The following COL4A6 variants were observed in gnomAD, a reference collection of about 807,000 sequenced individuals.
COL4A6 encodes the protein collagen type IV alpha 6 chain.
A neutral mutation model predicts 126.7 loss-of-function variants in COL4A6; 59 were observed. The ratio of observed to expected loss-of-function variants is 0.47; its 90% confidence interval spans 0.38 to 0.58. COL4A6 has a LOEUF of 0.58. COL4A6 is among the 20% of genes least tolerant of loss of function. COL4A6 has a pLI of 0.00. For synonymous variants in COL4A6, 547 were observed against 496.6 expected, an observed-to-expected ratio of 1.10 and a Z score of -1.35; for missense variants, 1,285 against 1,337.3, an observed-to-expected ratio of 0.96 and a Z score of 0.61.
chrX:108,353,508 A>T (rs779027589), intron 2 of COL4A6, among the ~76,000 whole-genome samples: 13 of 112,265 alleles, frequency 1.2e-4, no homozygotes, highest in Non-Finnish European at 2.3e-4. Context: ...AAAGGAATTC[A>T]CAACACCAAA....
chrX:108,190,555 A>T, intron 19 of COL4A6, 59 bp from the exon 20 acceptor site: 2 of 723,135 alleles, frequency 2.8e-6, no homozygotes, highest in South Asian at 5.2e-5. Context: ...GACTTCCCTG[A>T]CTCAACACAG....
At chrX:108,404,559 T>C (rs2041164868) in intron 2 of COL4A6, among the ~76,000 whole-genome samples, 1 of 112,170 alleles carries the variant, frequency 8.9e-6, no homozygotes, top group Non-Finnish European at 1.9e-5. Flanking sequence ...TGATCAGTGA[T>C]ATGGTTAAAT....
At chrX:108,322,151 A>T (rs1480698511) in intron 2 of COL4A6, among the ~76,000 whole-genome samples, 2 of 111,684 alleles carry the variant, frequency 1.8e-5, no homozygotes, top group African/African-American at 6.5e-5. Flanking sequence ...TTGCATTGAA[A>T]TGTGAACATA....
At chrX:108,274,153 A>C (rs1425909319) in intron 3 of COL4A6, among the ~76,000 whole-genome samples, 2 of 111,679 alleles carry the variant, frequency 1.8e-5, no homozygotes, top group African/African-American at 6.5e-5. Flanking sequence ...GATAAGTGCC[A>C]CTGAAAAGCT....
chrX:108,382,421 T>G (rs924900617), intron 2 of COL4A6, among the ~76,000 whole-genome samples: 3 of 111,607 alleles, frequency 2.7e-5, no homozygotes, highest in African/African-American at 9.8e-5. Context: ...TTATCATCAC[T>G]CTAGTCTGAT....
chrX:108,164,562 C>A (rs761931620), intron 40 of COL4A6, 38 bp downstream of exon 40: 1 of 1,162,543 alleles, frequency 8.6e-7, no homozygotes, highest in South Asian at 1.8e-5. Context: ...GCCCCTCCCT[C>A]GAGCTCTGGA....
At chrX:108,199,241 C>T (rs1012132278) in intron 13 of COL4A6, among the ~76,000 whole-genome samples, 1 of 110,417 alleles carries the variant, frequency 9.1e-6, no homozygotes, top group Non-Finnish European at 1.9e-5. Context: ...TGCCTTGTTT[C>T]TCGGTGAGTG....
At chrX:108,392,992 C>T (rs111794232) in intron 2 of COL4A6, among the ~76,000 whole-genome samples, 132 of 111,907 alleles carry the variant, frequency 1.2e-3, no homozygotes, top group African/African-American at 3.8e-3. Flanking sequence ...ATAACAAGTG[C>T]TGACAAAGAT....
intron 23 of COL4A6, among the ~76,000 whole-genome samples, chrX:108,184,277 G>A (rs1250089002): frequency 8.9e-6 from 1 of 112,496 alleles, no homozygotes; most frequent in Non-Finnish European, 1.9e-5. Flanking sequence ...GAAAAAGAAA[G>A]CTAATGCTCT....
rs766115975 is a variant in COL4A6 at position 108,178,882 on chromosome X, G to A, written c.2354-37C>T. On this transcript the variant is annotated intron_variant, in intron 26 of 44. Coordinates refer to ENST00000334504, the MANE Select transcript of COL4A6 (RefSeq NM_033641.4). The stretch of plus-strand genomic sequence containing the variant: ...AAAGGGCAAATGATCACAGCCTGGA[G>A]AGATAGCAGTGAGTGGGTCAGCAAA... The A allele has an allele frequency of 5.1e-6, 6 of 1,176,878 alleles. No homozygotes were observed. The South Asian group carries it at 9.6e-5, about 19-fold the overall frequency.
chrX:108,274,478 T>C (rs2037543100), intron 3 of COL4A6, among the ~76,000 whole-genome samples: 1 of 111,501 alleles, frequency 9.0e-6, no homozygotes, highest in Non-Finnish European at 1.9e-5. Context: ...GTGTGGGCTC[T>C]GGGTTAGTTG....
chrX:108,187,732 G>T, intron 22 of COL4A6, 116 bp downstream of exon 22: 2 of 717,756 alleles, frequency 2.8e-6, no homozygotes, highest in Non-Finnish European at 4.0e-6. Context: ...CAGAGGCAGG[G>T]CAAGGTCCTC....
chrX:108,402,605 T>C (rs1369279193), intron 2 of COL4A6, among the ~76,000 whole-genome samples: 1 of 111,364 alleles, frequency 9.0e-6, no homozygotes, highest in East Asian at 2.8e-4. Context: ...TTTCTTATTA[T>C]AAGAATTGAA....
intron 25 of COL4A6, 151 bp downstream of exon 25, chrX:108,180,364 G>A (rs1402085535): frequency 4.2e-6 from 2 of 470,953 alleles, no homozygotes; most frequent in Non-Finnish European, 3.6e-6. Context: ...TCTTGCCAGG[G>A]TATAAAATTA....
intron 3 of COL4A6, among the ~76,000 whole-genome samples, chrX:108,306,681 A>T (rs1299028978): frequency 9.0e-6 from 1 of 111,251 alleles, no homozygotes; most frequent in African/African-American, 3.3e-5. Context: ...TAGGCAGGAT[A>T]TAAGGAATTA....
At chrX:108,204,017 T>TATG (rs2035469629) in intron 12 of COL4A6, among the ~76,000 whole-genome samples, 1 of 112,032 alleles carries the variant, frequency 8.9e-6, no homozygotes, top group Non-Finnish European at 1.9e-5. Context: ...ATTTAATGTT[T>TATG]ATGTTATTCA....
chrX:108,199,746 G>A (rs1347368152), intron 13 of COL4A6, among the ~76,000 whole-genome samples: 1 of 111,528 alleles, frequency 9.0e-6, no homozygotes, highest in Non-Finnish European at 1.9e-5. Flanking sequence ...AAGGGAAGGG[G>A]AGGGAGGCAG....
intron 2 of COL4A6, among the ~76,000 whole-genome samples, chrX:108,382,742 T>A (rs2148138523): frequency 9.1e-6 from 1 of 109,364 alleles, no homozygotes; most frequent in African/African-American, 3.3e-5. Context: ...AGGTCAGGAA[T>A]TCAAGACCAG....
intron 2 of COL4A6, among the ~76,000 whole-genome samples, chrX:108,413,218 T>C (rs752736932): frequency 3.6e-5 from 4 of 111,985 alleles, no homozygotes; most frequent in Admixed American, 1.9e-4. Flanking sequence ...ATGAGATTAC[T>C]GATGCCAAAA....
Sources: gnomAD v4.1 joint callset for allele counts (sites outside exome capture counted in the v4.1 genomes callset) on GRCh38, gnomAD v4.1.1 for gene constraint, MANE v1.5 for transcripts, NCBI Gene and HGNC (gene_info 2026-07-23, HGNC 2026-07-21) for gene names.